Variants in OSBPL8 observed in about 807,000 individuals in gnomAD.
OSBPL8 encodes oxysterol binding protein like 8.
OSBPL8 carries 59 observed loss-of-function variants against 125.5 expected under a neutral mutation model. That is an observed-to-expected ratio of 0.47 (90% confidence interval 0.38 to 0.58). The LOEUF is 0.58. Among genes scored for constraint, OSBPL8 ranks in the 20% least tolerant of loss-of-function variants. The probability of loss-of-function intolerance (pLI) is 0.00; values close to 1 mark genes in which losing one functional copy is unlikely to be tolerated. For missense variants in OSBPL8, 758 were observed against 1,047.8 expected (o/e 0.72, Z 3.82); for synonymous variants, 330 against 338.9 (o/e 0.97, Z 0.29).
intron 1 of OSBPL8, among the ~76,000 whole-genome samples, chr12:76,516,876 G>A (rs1262073215): frequency 7.3e-5 from 11 of 150,134 alleles, no homozygotes; most frequent in Non-Finnish European, 1.5e-4. Context: ...GTGCAGTGGC[G>A]CAGTATCGGC....
At chr12:76,384,500 T>C in intron 14 of OSBPL8, 150 bp from the exon 15 acceptor site, 2 of 432,294 alleles carry the variant, frequency 4.6e-6, no homozygotes, top group Non-Finnish European at 7.8e-6. Flanking sequence ...AAAAATTAAA[T>C]ATTGATGGTT....
At chr12:76,454,897 A>G (rs940543107) in intron 3 of OSBPL8, among the ~76,000 whole-genome samples, 1 of 152,068 alleles carries the variant, frequency 6.6e-6, no homozygotes, top group African/African-American at 2.4e-5. Context: ...AAAAAGAAAA[A>G]AATACAACCT....
intron 1 of OSBPL8, among the ~76,000 whole-genome samples, chr12:76,495,686 T>A (rs1879197818): frequency 6.6e-6 from 1 of 151,318 alleles, no homozygotes; most frequent in African/African-American, 2.5e-5. Flanking sequence ...AACCACTGAA[T>A]GATTTACATA....
intron 1 of OSBPL8, among the ~76,000 whole-genome samples, chr12:76,541,718 G>A (rs1324138754): frequency 6.6e-6 from 1 of 151,808 alleles, no homozygotes; most frequent in Non-Finnish European, 1.5e-5. Context: ...AGCCAGGCTT[G>A]GTGGTGGGTG....
At chr12:76,361,324 C>A (rs1952196644) in intron 21 of OSBPL8, among the ~76,000 whole-genome samples, 1 of 152,164 alleles carries the variant, frequency 6.6e-6, no homozygotes, top group South Asian at 2.1e-4. Context: ...CAGTTCCCAA[C>A]AAGTTCCTCA....
intron 4 of OSBPL8, among the ~76,000 whole-genome samples, chr12:76,428,626 G>A (rs1870441732): frequency 6.6e-6 from 1 of 151,964 alleles, no homozygotes; most frequent in African/African-American, 2.4e-5. Flanking sequence ...GGATGAGTTC[G>A]AGAAAGATCA....
chr12:76,423,305 C>G (rs1038244769), intron 4 of OSBPL8: 2 of 152,194 alleles, frequency 1.3e-5, no homozygotes, highest in African/African-American at 4.8e-5. Flanking sequence ...TTGCCTCCAG[C>G]AGGGATATAT....
intron 16 of OSBPL8, among the ~76,000 whole-genome samples, chr12:76,376,854 C>A (rs543841380): frequency 1.3e-5 from 2 of 152,038 alleles, no homozygotes; most frequent in African/African-American, 2.4e-5. Flanking sequence ...TATACACGTG[C>A]CATGGTGGTT....
At chr12:76,522,506 G>A (rs2887451) in intron 1 of OSBPL8, among the ~76,000 whole-genome samples, 30,984 of 152,050 alleles carry the variant, frequency 0.2, 3,400 homozygotes, top group Non-Finnish European at 0.26. Context: ...ACTCTGGCAA[G>A]ATGGGATGAG....
rs1951837933 is a variant in OSBPL8 at position 76,351,928 on chromosome 12, T to C, written c.*3961A>G. 6.6e-6 allele frequency: 1 copy of C among 152,252 alleles called. No individual in the cohort carries two copies. The highest frequency in any genetic ancestry group is 6.5e-5 in the Admixed American group (1 of 15,284). 9.4% of individuals were successfully genotyped at this position (152,252 alleles called of 1,614,324 possible). ...TAGGAATAATAGATTAGAAATGTACTACATTACAAAACAGTGGCCTATAAC... is the reference window on the plus strand; with the variant it reads ...TAGGAATAATAGATTAGAAATGTACCACATTACAAAACAGTGGCCTATAAC... On this transcript the variant is annotated 3_prime_UTR_variant, in exon 24 of 24. Transcript: ENST00000261183.
chr12:76,390,971 ACTT>A (rs1480372968), intron 10 of OSBPL8, among the ~76,000 whole-genome samples: 1 of 152,090 alleles, frequency 6.6e-6, no homozygotes, highest in African/African-American at 2.4e-5. Flanking sequence ...AAGAGTTTAG[ACTT>A]CTTGTTAGAT....
intron 1 of OSBPL8, among the ~76,000 whole-genome samples, chr12:76,542,603 C>T (rs1565984686): frequency 1.3e-5 from 2 of 152,162 alleles, no homozygotes; most frequent in East Asian, 1.9e-4. Context: ...ACTTTTAGAA[C>T]CACTGGCCTA....
intron 4 of OSBPL8, among the ~76,000 whole-genome samples, chr12:76,433,000 G>A (rs1280118388): frequency 1.3e-5 from 2 of 152,010 alleles, no homozygotes; most frequent in Admixed American, 1.3e-4. Context: ...TAGTAAATGT[G>A]GAAAAAGCAT....
At chr12:76,474,264 A>G (rs1326749923) in intron 2 of OSBPL8, among the ~76,000 whole-genome samples, 2 of 152,168 alleles carry the variant, frequency 1.3e-5, no homozygotes, top group African/African-American at 4.8e-5. Context: ...GTGACAGTAG[A>G]ACAATGAAGG....
intron 1 of OSBPL8, among the ~76,000 whole-genome samples, chr12:76,493,837 GC>G (rs1206764496): frequency 2.0e-5 from 3 of 152,082 alleles, no homozygotes; most frequent in African/African-American, 7.2e-5. Flanking sequence ...ACAAATGTTA[GC>G]TCTTTTGATG....
chr12:76,386,307 A>G (rs1477592807), intron 13 of OSBPL8, 41 bp from the exon 14 acceptor site: 16 of 1,570,500 alleles, frequency 1.0e-5, no homozygotes, highest in Non-Finnish European at 1.3e-5. Flanking sequence ...TTACAAATAC[A>G]AAGGATTCAA....
intron 8 of OSBPL8, 112 bp downstream of exon 8, chr12:76,397,582 G>C: frequency 9.3e-7 from 1 of 1,080,264 alleles, no homozygotes; most frequent in Non-Finnish European, 1.3e-6. Context: ...ATGGAAAGCA[G>C]AACAGATTTA....
At chr12:76,370,082 T>C (rs573118399) in intron 19 of OSBPL8, among the ~76,000 whole-genome samples, 2 of 152,120 alleles carry the variant, frequency 1.3e-5, no homozygotes, top group African/African-American at 2.4e-5. Context: ...AAACTCATGA[T>C]AGTAAGTGTT....
intron 4 of OSBPL8, among the ~76,000 whole-genome samples, chr12:76,448,993 C>T (rs1417950003): frequency 6.6e-6 from 1 of 152,016 alleles, no homozygotes; most frequent in Non-Finnish European, 1.5e-5. Flanking sequence ...AGCCTGGCGA[C>T]AGAGCAAGAC....
Sources: gnomAD v4.1 joint callset for allele counts (sites outside exome capture counted in the v4.1 genomes callset) on GRCh38, gnomAD v4.1.1 for gene constraint, MANE v1.5 for transcripts, NCBI Gene and HGNC (gene_info 2026-07-23, HGNC 2026-07-21) for gene names.